The following EPS8 variants were observed in gnomAD, a reference collection of about 807,000 sequenced individuals.
EPS8 encodes the protein EGFR pathway substrate 8, signaling adaptor, also known as epidermal growth factor receptor kinase substrate 8.
In EPS8, 42 loss-of-function variants were observed where a neutral mutation model predicts 103.8. The ratio of observed to expected loss-of-function variants is 0.40; its 90% confidence interval spans 0.32 to 0.52. The LOEUF (loss-of-function observed/expected upper bound fraction) is 0.52. EPS8 is among the 20% of genes least tolerant of loss of function. EPS8 has a pLI of 0.40. For synonymous variants in EPS8, 344 were observed against 344.6 expected, an observed-to-expected ratio of 1.00 and a Z score of 0.02; for missense variants, 969 against 1,005.1, an observed-to-expected ratio of 0.96 and a Z score of 0.49.
At position 15,640,706 on chromosome 12, in the gene EPS8, T is replaced by A. The variant is rs1565473314; in HGVS notation, c.1818A>T (p.Ile606=). The part of the protein sequence containing the change: ...GRADPPYTHT[I]QKQRMEYGPR... ...TTTACTAAGAAATCATGCTCACCTG[T>A]ATAGTATGAGTATAAGGTGGATCAG... is the stretch of plus-strand genomic sequence containing the variant. Residue 606 remains isoleucine (I), a synonymous_variant, in exon 17 of 21, where the codon ATA becomes ATT. Transcript: ENST00000281172. The A allele has an allele frequency of 1.9e-6, 3 of 1,613,638 alleles. No individual in the cohort carries two copies. Among genetic ancestry groups the A allele is most frequent in the Non-Finnish European group, 2.5e-6 (3 of 1,179,592 alleles).
intron 1 of EPS8, among the ~76,000 whole-genome samples, chr12:15,740,825 C>T (rs747412274): frequency 4.6e-5 from 7 of 152,026 alleles, no homozygotes; most frequent in African/African-American, 1.5e-4. Context: ...CTCCCTGTAG[C>T]GAAATTAAGA....
intron 1 of EPS8, among the ~76,000 whole-genome samples, chr12:15,740,538 C>A (rs777471711): frequency 8.6e-5 from 13 of 150,918 alleles, no homozygotes; most frequent in Non-Finnish European, 1.9e-4. Flanking sequence ...GAGCAAGACT[C>A]CATCTAGAAA....
At position 15,653,699 on chromosome 12, in the gene EPS8, G is replaced by A. The variant is rs115724796; in HGVS notation, c.1250+446C>T. On this transcript the variant is annotated intron_variant, in intron 13 of 20. Transcript: ENST00000281172. ...TGTCACTTACAAGTTGTGTGGCCTT[G>A]GGCAAATTACTTATCCTCTCTGTGC... Among the ~76,000 whole-genome samples, 515 of 152,280 alleles carry A rather than the reference G, an allele frequency of 3.4e-3. 2 individuals carry two copies. The highest frequency in any genetic ancestry group is 0.012 in the African/African-American group (503 of 41,548).
chr12:15,711,585 C>T (rs1320451017), intron 1 of EPS8, among the ~76,000 whole-genome samples: 1 of 152,124 alleles, frequency 6.6e-6, no homozygotes, highest in Non-Finnish European at 1.5e-5. Flanking sequence ...GATTTACACT[C>T]CACATTAATA....
intron 2 of EPS8, among the ~76,000 whole-genome samples, chr12:15,682,508 T>C (rs1446511887): frequency 6.6e-6 from 1 of 152,194 alleles, no homozygotes; most frequent in Admixed American, 6.5e-5. Flanking sequence ...GATTAGTTTA[T>C]ACTAAATGAC....
At position 15,688,366 on chromosome 12, in the gene EPS8, G is replaced by A. The variant is rs1313119863; in HGVS notation, c.-21-5394C>T. ...TAATACAGAAGTGGGGAAAGGAAGTGCTGGGTAGAGGAAGGCGGGGTCACT... is the reference window on the plus strand; with the variant it reads ...TAATACAGAAGTGGGGAAAGGAAGTACTGGGTAGAGGAAGGCGGGGTCACT... On this transcript the variant is annotated intron_variant, in intron 1 of 20. Transcript: ENST00000281172. This position sits in a 1 kb window ranked among gnomAD's most constrained non-coding sequence, Gnocchi z 5.1. 2.0e-5 allele frequency among the ~76,000 whole-genome samples: 3 copies of A among 152,178 alleles called. No homozygotes were observed. The highest frequency in any genetic ancestry group is 4.4e-5 in the Non-Finnish European group (3 of 68,026).
rs11616097 is a variant in EPS8 at position 15,769,953 on chromosome 12, C to A, written c.-22+19208G>T. 1.4e-3 allele frequency among the ~76,000 whole-genome samples: 197 copies of A among 143,982 alleles called. No individual in the cohort carries two copies. The highest frequency in any genetic ancestry group is 4.9e-3 in the African/African-American group (193 of 39,116). The allele number at this position is 143,982 out of a possible 152,430, so 94.5% of individuals were successfully genotyped here. On this transcript the variant is annotated intron_variant, in intron 1 of 20. Transcript: ENST00000281172. This position sits in a 1 kb window ranked among gnomAD's most constrained non-coding sequence, Gnocchi z 4.6. Reference sequence around the variant, plus strand: ...TTTTTTTAATTAGGTTTTTTTTTTTCTTTTTTGAGACTAGGGTCTCGCTCT... The same window carrying A: ...TTTTTTTAATTAGGTTTTTTTTTTTATTTTTTGAGACTAGGGTCTCGCTCT...
At chr12:15,629,463 T>G (rs963127862) in intron 18 of EPS8, among the ~76,000 whole-genome samples, 1 of 152,236 alleles carries the variant, frequency 6.6e-6, no homozygotes, top group Non-Finnish European at 1.5e-5. Context: ...AGTTTTCTCC[T>G]TAGGGAACTC....
rs559633812 is a variant in EPS8 at position 15,749,015 on chromosome 12, T to G, written c.-22+40146A>C. 1.5e-3 allele frequency among the ~76,000 whole-genome samples: 230 copies of G among 152,298 alleles called. 2 individuals are homozygous for G. The highest frequency in any genetic ancestry group is 5.3e-3 in the African/African-American group (221 of 41,550). On this transcript the variant is annotated intron_variant, in intron 1 of 20. Transcript: ENST00000281172. This position sits in a 1 kb window ranked among gnomAD's most constrained non-coding sequence, Gnocchi z 4.0. ...AAGCAAATACTGAGACAACTGATGC[T>G]AGAGAGAACTTAAGGCCCTTTTAAC...
At chr12:15,673,739 A>C (rs1028818774) in intron 3 of EPS8, among the ~76,000 whole-genome samples, 2 of 152,188 alleles carry the variant, frequency 1.3e-5, no homozygotes, top group African/African-American at 4.8e-5. Context: ...TTAAATAATA[A>C]ATTCATGAAT....
At chr12:15,638,618 G>C (rs1198409823) in intron 17 of EPS8, among the ~76,000 whole-genome samples, 1 of 152,122 alleles carries the variant, frequency 6.6e-6, no homozygotes, top group African/African-American at 2.4e-5. Flanking sequence ...AAACGAAATA[G>C]CCAAATAGGC....
At chr12:15,677,699 G>A (rs998040287) in intron 3 of EPS8, among the ~76,000 whole-genome samples, 2 of 152,154 alleles carry the variant, frequency 1.3e-5, no homozygotes, top group Non-Finnish European at 2.9e-5. Context: ...GTTAAGAAGA[G>A]ACACTGCCAG....
intron 1 of EPS8, among the ~76,000 whole-genome samples, chr12:15,754,297 C>G (rs1228334094): frequency 2.0e-5 from 3 of 150,924 alleles, no homozygotes; most frequent in Admixed American, 6.6e-5. Context: ...AGAACTCAAA[C>G]CAAAACTGTA....
chr12:15,678,789 CTA>C (rs2135877352), intron 3 of EPS8, among the ~76,000 whole-genome samples: 1 of 151,860 alleles, frequency 6.6e-6, no homozygotes, highest in South Asian at 2.1e-4. Context: ...TGGCATGCAC[CTA>C]TAGTCCCTGC....
chr12:15,675,742 G>A (rs1463069967), intron 3 of EPS8, among the ~76,000 whole-genome samples: 1 of 152,166 alleles, frequency 6.6e-6, no homozygotes, highest in Non-Finnish European at 1.5e-5. Flanking sequence ...GTAATTCAAT[G>A]AAATGAGTTT....
At chr12:15,651,601 G>A (rs969531396) in intron 13 of EPS8, among the ~76,000 whole-genome samples, 1 of 152,090 alleles carries the variant, frequency 6.6e-6, no homozygotes, top group South Asian at 2.1e-4. Flanking sequence ...ACAATCATAT[G>A]GGTTCATCAT....
rs541360371 is a variant in EPS8 at position 15,733,890 on chromosome 12, ACT to A, written c.-21-50920_-21-50919del. Among the ~76,000 whole-genome samples the A allele has an allele frequency of 1.6e-3, 246 of 152,120 alleles. 1 individual carries two copies. Among genetic ancestry groups the A allele is most frequent in the African/African-American group, 4.3e-3 (179 of 41,526 alleles). ...TTTTATTTTCTTGAAAAAGGGTCTC[ACT>A]CTGTCACCCAGGCTGGAGTACAGTG... On this transcript the variant is annotated intron_variant, in intron 1 of 20. Transcript: ENST00000281172. This position sits in a 1 kb window ranked among gnomAD's most constrained non-coding sequence, Gnocchi z 4.8.
chr12:15,722,933 G>A (rs1156272958), intron 1 of EPS8, among the ~76,000 whole-genome samples: 2 of 150,290 alleles, frequency 1.3e-5, no homozygotes, highest in Non-Finnish European at 2.9e-5. Flanking sequence ...TCAGACTACA[G>A]CACCCAGCTA....
intron 3 of EPS8, chr12:15,672,539 G>C: frequency 2.5e-6 from 1 of 394,058 alleles, no homozygotes; most frequent in East Asian, 3.6e-5. Context: ...GAAAGATCTG[G>C]TTTCACCTAA....
Sources: gnomAD v4.1 joint callset for allele counts (sites outside exome capture counted in the v4.1 genomes callset) on GRCh38, gnomAD v4.1.1 for gene constraint, Gnocchi (gnomAD v3.1) non-coding constraint, MANE v1.5 for transcripts, NCBI Gene and HGNC (gene_info 2026-07-23, HGNC 2026-07-21) for gene names.